The following PDSS2 variants were observed in gnomAD, a reference collection of about 807,000 sequenced individuals.
PDSS2 encodes the protein all trans-polyprenyl-diphosphate synthase PDSS2.
PDSS2 carries 31 observed loss-of-function variants against 44.5 expected under a neutral mutation model. The ratio of observed to expected loss-of-function variants is 0.70; its 90% CI spans 0.52 to 0.94. The LOEUF is 0.94. Ranked by LOEUF, PDSS2 falls within the 40% of genes least tolerant of loss-of-function variation. The probability of loss-of-function intolerance (pLI) is 0.00; values close to 1 mark genes in which losing one functional copy is unlikely to be tolerated. For missense variants in PDSS2, 452 were observed against 482.2 expected (o/e 0.94, Z 0.59); for synonymous variants, 157 against 180.3 (o/e 0.87, Z 1.03).
chr6:107,402,190 G>T (rs918903096), intron 1 of PDSS2, among the ~76,000 whole-genome samples: 1 of 151,224 alleles, frequency 6.6e-6, no homozygotes, highest in Non-Finnish European at 1.5e-5. Context: ...TGAGGCAGGG[G>T]AATTGCTTAA....
chr6:107,395,344 T>C (rs1401039260), intron 1 of PDSS2, among the ~76,000 whole-genome samples: 2 of 152,156 alleles, frequency 1.3e-5, no homozygotes, highest in African/African-American at 4.8e-5. Flanking sequence ...CCATCACATA[T>C]GAAAATTTTT....
At chr6:107,351,875 A>C (rs1238830909) in intron 1 of PDSS2, among the ~76,000 whole-genome samples, 2 of 152,192 alleles carry the variant, frequency 1.3e-5, no homozygotes, top group African/African-American at 4.8e-5. Context: ...TAACACAGCC[A>C]CATATTGATA....
intron 1 of PDSS2, among the ~76,000 whole-genome samples, chr6:107,433,376 A>G (rs1781253147): frequency 6.6e-6 from 1 of 152,190 alleles, no homozygotes; most frequent in South Asian, 2.1e-4. Flanking sequence ...TATACTACAG[A>G]GTTATTGTAA....
At chr6:107,414,313 A>T (rs1780595504) in intron 1 of PDSS2, among the ~76,000 whole-genome samples, 1 of 152,254 alleles carries the variant, frequency 6.6e-6, no homozygotes, top group South Asian at 2.1e-4. Context: ...TCTCAGAAGG[A>T]GGTTCTTGAA....
At chr6:107,452,777 C>T (rs370032158) in intron 1 of PDSS2, among the ~76,000 whole-genome samples, 1 of 151,494 alleles carries the variant, frequency 6.6e-6, no homozygotes. Flanking sequence ...AGCGATTCTC[C>T]TGCCTCAGCC....
intron 4 of PDSS2, among the ~76,000 whole-genome samples, chr6:107,213,935 A>G (rs1773318795): frequency 6.6e-6 from 1 of 152,194 alleles, no homozygotes; most frequent in Admixed American, 6.5e-5. Flanking sequence ...AATGCTGTCC[A>G]ATGGAAATAT....
At chr6:107,415,675 C>G (rs1271719906) in intron 1 of PDSS2, among the ~76,000 whole-genome samples, 1 of 152,214 alleles carries the variant, frequency 6.6e-6, no homozygotes, top group African/African-American at 2.4e-5. Flanking sequence ...ATCCCTACAC[C>G]TACACCTTAG....
intron 1 of PDSS2, among the ~76,000 whole-genome samples, chr6:107,430,089 C>A (rs1472886982): frequency 6.6e-6 from 1 of 151,650 alleles, no homozygotes; most frequent in Non-Finnish European, 1.5e-5. Context: ...ACCTAAGACA[C>A]CTTCAGCTCC....
intron 7 of PDSS2, among the ~76,000 whole-genome samples, chr6:107,158,220 C>T (rs769993120): frequency 2.1e-5 from 3 of 144,896 alleles, no homozygotes; most frequent in Non-Finnish European, 3.0e-5. Context: ...GAGTCTTACT[C>T]TGTTGCCCAG....
intron 7 of PDSS2, among the ~76,000 whole-genome samples, chr6:107,181,554 G>A (rs1173477772): frequency 3.9e-5 from 5 of 127,626 alleles, no homozygotes; most frequent in Non-Finnish European, 6.7e-5. Context: ...GAAAAGAAAA[G>A]AAAAGAAAAA....
intron 1 of PDSS2, among the ~76,000 whole-genome samples, chr6:107,414,630 T>C (rs1188589671): frequency 6.6e-6 from 1 of 152,212 alleles, no homozygotes; most frequent in Non-Finnish European, 1.5e-5. Flanking sequence ...GATACCCTTC[T>C]CTCCTTCTCT....
chr6:107,403,057 G>T (rs561365469), intron 1 of PDSS2, among the ~76,000 whole-genome samples: 4 of 152,248 alleles, frequency 2.6e-5, no homozygotes, highest in Admixed American at 2.6e-4. Flanking sequence ...TTTCATCCGA[G>T]ACAAGGCAAG....
chr6:107,266,154 AAT>A (rs1775405848), intron 3 of PDSS2, among the ~76,000 whole-genome samples: 1 of 152,226 alleles, frequency 6.6e-6, no homozygotes, highest in African/African-American at 2.4e-5. Context: ...CAAGTATTTA[AAT>A]GAAAGAAACT....
chr6:107,156,534 AT>A (rs1402478222), intron 7 of PDSS2, among the ~76,000 whole-genome samples: 2 of 152,166 alleles, frequency 1.3e-5, no homozygotes, highest in African/African-American at 2.4e-5. Context: ...AGACGTCTTC[AT>A]TCCCCACATC....
chr6:107,207,551 C>G (rs530321087), intron 6 of PDSS2, among the ~76,000 whole-genome samples: 1 of 151,060 alleles, frequency 6.6e-6, no homozygotes, highest in East Asian at 1.9e-4. Flanking sequence ...TCTTATAAAG[C>G]TTTACATAAA....
At chr6:107,445,589 T>C (rs530130751) in intron 1 of PDSS2, among the ~76,000 whole-genome samples, 3 of 152,332 alleles carry the variant, frequency 2.0e-5, no homozygotes, top group African/African-American at 7.2e-5. Context: ...GTCAGATGTG[T>C]AAGTCTAAAA....
At chr6:107,379,845 AAGTG>A (rs1258942094) in intron 1 of PDSS2, among the ~76,000 whole-genome samples, 1 of 152,032 alleles carries the variant, frequency 6.6e-6, no homozygotes, top group African/African-American at 2.4e-5. Flanking sequence ...TTAATAGGTG[AAGTG>A]AGTTAGGGCT....
intron 3 of PDSS2, among the ~76,000 whole-genome samples, chr6:107,270,223 C>G: frequency 6.6e-6 from 1 of 152,152 alleles, no homozygotes; most frequent in East Asian, 1.9e-4. Context: ...ATTCTCGTGC[C>G]TCAGCCTCCC....
chr6:107,204,971 C>T (rs1368194457), intron 6 of PDSS2, among the ~76,000 whole-genome samples: 3 of 152,192 alleles, frequency 2.0e-5, no homozygotes, highest in Non-Finnish European at 4.4e-5. Flanking sequence ...CAAATGCCTA[C>T]ATTGTATACC....
Sources: allele counts gnomAD v4.1 joint callset (sites outside exome capture counted in the v4.1 genomes callset), GRCh38; gene constraint gnomAD v4.1.1; transcripts MANE v1.5; gene names NCBI Gene and HGNC (gene_info 2026-07-23, HGNC 2026-07-21).